Variants in LTBR observed in about 807,000 individuals in gnomAD.
LTBR encodes the protein tumor necrosis factor receptor superfamily member 3.
LTBR carries 15 observed loss-of-function variants against 45.4 expected under a neutral mutation model. The ratio of observed to expected loss-of-function variants is 0.33; its 90% CI spans 0.22 to 0.51. LTBR has a LOEUF of 0.51. Among genes scored for constraint, LTBR ranks in the 20% least tolerant of loss-of-function variants. The probability of loss-of-function intolerance (pLI) is 0.97; values close to 1 mark genes in which losing one functional copy is unlikely to be tolerated. For synonymous variants in LTBR, 228 were observed against 231.0 expected, an observed-to-expected ratio of 0.99 and a Z score of 0.12; for missense variants, 450 against 565.5, an observed-to-expected ratio of 0.80 and a Z score of 2.07.
intron 1 of LTBR, chr12:6,375,985 G>A (rs1413307224): frequency 3.2e-6 from 3 of 929,602 alleles, no homozygotes; most frequent in Non-Finnish European, 3.8e-6. Flanking sequence ...AGTGGTGGGG[G>A]CAAATAGAAG....
At chr12:6,385,174 G>A (rs761765568) in intron 3 of LTBR, 27 bp downstream of exon 3, 16 of 1,614,204 alleles carry the variant, frequency 9.9e-6, no homozygotes, top group Non-Finnish European at 1.3e-5. Context: ...CTGCGGGGGG[G>A]CTGGATCCCC....
intron 1 of LTBR, chr12:6,376,087 C>T: frequency 1.0e-6 from 1 of 989,730 alleles, no homozygotes; most frequent in Non-Finnish European, 1.2e-6. Flanking sequence ...AGCAAGTGGG[C>T]AGCCCTCCAA....
upstream of LTBR, chr12:6,375,216 C>T (rs1329146158): frequency 6.9e-7 from 1 of 1,442,344 alleles, no homozygotes; most frequent in East Asian, 2.5e-5. Context: ...CTCTATCTGC[C>T]TTCTGTTTCT....
At chr12:6,377,988 T>C (rs755323783) in intron 1 of LTBR, among the ~76,000 whole-genome samples, 2 of 152,212 alleles carry the variant, frequency 1.3e-5, no homozygotes, top group Non-Finnish European at 2.9e-5. Flanking sequence ...AATAGAAATC[T>C]GAGACCTGGA....
At chr12:6,387,943 T>C in intron 6 of LTBR, 2 of 427,460 alleles carry the variant, frequency 4.7e-6, no homozygotes, top group South Asian at 3.3e-5. Context: ...CTAGCTCCTC[T>C]ACAGCAGCCC....
chr12:6,376,121 C>T (rs1180159915), intron 1 of LTBR: 1 of 987,564 alleles, frequency 1.0e-6, no homozygotes, highest in Non-Finnish European at 1.2e-6. Flanking sequence ...TCAGCCTCAC[C>T]CTCAGGCCCT....
chr12:6,377,423 T>G, intron 1 of LTBR: 2 of 706,280 alleles, frequency 2.8e-6, no homozygotes, highest in Non-Finnish European at 4.8e-6. Flanking sequence ...TCTGGGGCTA[T>G]CTACTTAGCG....
At chr12:6,383,981 T>G, upstream of LTBR, 1 of 1,096,330 alleles carries the variant, frequency 9.1e-7, no homozygotes, top group East Asian at 5.4e-5. Context: ...GCTCTCCCGA[T>G]CGGGCTTCCG....
intron 8 of LTBR, chr12:6,389,159 G>A: frequency 4.1e-6 from 1 of 242,398 alleles, no homozygotes; most frequent in Non-Finnish European, 8.2e-6. Flanking sequence ...AGTGGAGAGT[G>A]AAGGCCTCTC....
chr12:6,386,555 C>A lies in LTBR; in HGVS notation c.667+111C>A. 1.2e-6 allele frequency: 1 copy of A among 834,738 alleles called. No homozygotes were observed. Among genetic ancestry groups the A allele is most frequent in the Non-Finnish European group, 1.9e-6 (1 of 520,622 alleles). The allele number at this position is 834,738 out of a possible 1,614,324, so 51.7% of individuals were successfully genotyped here. A position where few individuals can be genotyped will look rare whatever the true frequency, so the allele number is the denominator to read the frequency against. ...TGAACACTTCCCTCCCAGAATTGGG[C>A]AAGAAGAAAGTTCCTTACAGAAAAA... is the stretch of plus-strand genomic sequence containing the variant. On this transcript the variant is annotated intron_variant, in intron 6 of 9. Coordinates refer to ENST00000228918, the MANE Select transcript of LTBR (RefSeq NM_002342.3). This position sits in a 1 kb window ranked among gnomAD's most constrained non-coding sequence, Gnocchi z 4.1.
At chr12:6,385,569 A>G (rs2136929010) in intron 4 of LTBR, 190 bp downstream of exon 4, 4 of 703,394 alleles carry the variant, frequency 5.7e-6, no homozygotes, top group Non-Finnish European at 6.9e-6. Flanking sequence ...GGTGCAGGGG[A>G]CACAGGAGGT....
At chr12:6,376,253 A>G in intron 1 of LTBR, 1 of 914,498 alleles carries the variant, frequency 1.1e-6, no homozygotes. Context: ...ATTCCTCGCC[A>G]CCCCCTCCAA....
At chr12:6,385,174 GC>G (rs1565493692) in intron 3 of LTBR, 27 bp downstream of exon 3, 1 of 1,614,204 alleles carries the variant, frequency 6.2e-7, no homozygotes. Flanking sequence ...CTGCGGGGGG[GC>G]TGGATCCCCT....
At position 6,386,470 on chromosome 12, in the gene LTBR, G is replaced by GGT. The variant is rs377408723; in HGVS notation, c.667+27_667+28insTG. On this transcript the variant is annotated intron_variant, in intron 6 of 9. Transcript: ENST00000228918. This position sits in a 1 kb window ranked among gnomAD's most constrained non-coding sequence, Gnocchi z 4.1. ...GTGAGGGACCAGGGCTGAGGGACAC[G>GGT]GGGGGGGCGCCTCTGAAAATGCCTT... The GGT allele has an allele frequency of 2.0e-4, 195 of 999,030 alleles. 1 individual carries two copies. The highest frequency in any genetic ancestry group is 1.7e-3 in the South Asian group (104 of 60,834). 61.9% of individuals were successfully genotyped at this position (999,030 alleles called of 1,614,324 possible).
Position 6,391,040 on chromosome 12 carries a change from G to A in LTBR, c.*103G>A. ...CACAGGGGCCTGAGTAGGGCCCGGG[G>A]AAGCAGAGCCCTAAGGGATTAAGGC... On this transcript the variant is annotated 3_prime_UTR_variant, in exon 10 of 10. Transcript: ENST00000228918. 8.1e-7 allele frequency: 1 copy of A among 1,239,428 alleles called. No individual in the cohort carries two copies. The highest frequency in any genetic ancestry group is 1.7e-5 in the South Asian group (1 of 57,378). The allele number at this position is 1,239,428 out of a possible 1,614,324, so 76.8% of individuals were successfully genotyped here. A position where few individuals can be genotyped will look rare whatever the true frequency, so the allele number is the denominator to read the frequency against.
rs142967664 is a variant in LTBR, at chr12:6,375,689, G to A, written c.39+95G>A. On this transcript the variant is annotated intron_variant, in intron 1 of 9. Transcript: ENST00000539925. ...CGAGGGCAGGTGAACTGGGAGTACTGGACCTGAGAAGGCGGACTCTGGGCA... is the reference window on the plus strand; with the variant it reads ...CGAGGGCAGGTGAACTGGGAGTACTAGACCTGAGAAGGCGGACTCTGGGCA... 139 of 1,445,530 alleles carry A rather than the reference G, an allele frequency of 9.6e-5. No homozygotes were observed. The East Asian group carries it at 3.4e-3, about 35-fold the overall frequency. 89.5% of individuals were successfully genotyped at this position (1,445,530 alleles called of 1,614,324 possible). A position where few individuals can be genotyped will look rare whatever the true frequency, so the allele number is the denominator to read the frequency against.
chr12:6,382,772 G>A (rs1218878540), upstream of LTBR, among the ~76,000 whole-genome samples: 1 of 152,194 alleles, frequency 6.6e-6, no homozygotes, highest in Non-Finnish European at 1.5e-5. Flanking sequence ...AGACAGACCA[G>A]TGTAAGGACG....
chr12:6,375,236 T>C, upstream of LTBR: 1 of 1,437,404 alleles, frequency 7.0e-7, no homozygotes, highest in Non-Finnish European at 9.1e-7. Flanking sequence ...TCTTTGGGTC[T>C]CTCCTGCTCT....
intron 8 of LTBR, chr12:6,389,247 G>C (rs1949083166): frequency 5.6e-6 from 1 of 177,850 alleles, no homozygotes; most frequent in Non-Finnish European, 1.2e-5. Flanking sequence ...AAGTGCTCCA[G>C]GAAGAGGGAG....
Sources: allele counts gnomAD v4.1 joint callset (sites outside exome capture counted in the v4.1 genomes callset), GRCh38; gene constraint gnomAD v4.1.1; non-coding constraint Gnocchi (gnomAD v3.1); transcripts MANE v1.5; gene names NCBI Gene and HGNC (gene_info 2026-07-23, HGNC 2026-07-21).